MKLN1: variants seen among roughly 807,000 people sequenced by gnomAD.
The protein encoded by MKLN1 is muskelin 1, also known as muskelin.
Under a neutral mutation model 99.0 loss-of-function variants are expected in MKLN1, and 18 were observed. The observed-to-expected ratio is 0.18, with a 90% CI of 0.13 to 0.27. MKLN1 has a LOEUF of 0.27. Ranked by LOEUF, MKLN1 falls within the 10% of genes least tolerant of loss-of-function variation. The pLI is 1.00. For synonymous variants in MKLN1, 288 were observed against 293.2 expected, an observed-to-expected ratio of 0.98 and a Z score of 0.18; for missense variants, 621 against 875.9, an observed-to-expected ratio of 0.71 and a Z score of 3.67.
chr7:131,137,143 A>G (rs1268832371), intron 1 of MKLN1, among the ~76,000 whole-genome samples: 2 of 152,104 alleles, frequency 1.3e-5, no homozygotes, highest in African/African-American at 4.8e-5. Context: ...GCGAGCCATC[A>G]CACTTGGCCC....
intron 1 of MKLN1, among the ~76,000 whole-genome samples, chr7:131,350,042 A>G (rs1461140833): frequency 6.6e-6 from 1 of 152,150 alleles, no homozygotes; most frequent in African/African-American, 2.4e-5. Context: ...CGATACTACA[A>G]TGGTCTGCTA....
chr7:131,360,210 A>G (rs540576073), intron 1 of MKLN1, among the ~76,000 whole-genome samples: 1 of 152,246 alleles, frequency 6.6e-6, no homozygotes, highest in South Asian at 2.1e-4. Flanking sequence ...CTGGTAGACA[A>G]CATATTTGGA....
At chr7:131,310,579 A>G (rs1413358992) in intron 3 of MKLN1, 1 of 152,246 alleles carries the variant, frequency 6.6e-6, no homozygotes, top group Non-Finnish European at 1.5e-5. Flanking sequence ...TCAGAAAGTG[A>G]CATTCTTTAC....
chr7:131,116,614 T>C (rs888723528), intron 1 of MKLN1, among the ~76,000 whole-genome samples: 2 of 151,874 alleles, frequency 1.3e-5, no homozygotes, highest in African/African-American at 4.8e-5. Context: ...GAAAAGATAG[T>C]AGGATATCTG....
intron 12 of MKLN1, among the ~76,000 whole-genome samples, chr7:131,458,225 A>G (rs371564414): frequency 1.3e-5 from 2 of 152,364 alleles, no homozygotes; most frequent in South Asian, 2.1e-4. Context: ...AACAACTTTG[A>G]ATCAAGAAAT....
chr7:131,457,739 A>C (rs554365536), intron 12 of MKLN1, among the ~76,000 whole-genome samples: 1 of 152,270 alleles, frequency 6.6e-6, no homozygotes, highest in African/African-American at 2.4e-5. Flanking sequence ...AACATATTGA[A>C]ATGCTGTCTC....
At chr7:131,159,546 G>T (rs1191579065) in intron 2 of MKLN1, among the ~76,000 whole-genome samples, 1 of 152,106 alleles carries the variant, frequency 6.6e-6, no homozygotes. Flanking sequence ...GAGTAGGATG[G>T]TGGTTACCAG....
intron 12 of MKLN1, among the ~76,000 whole-genome samples, chr7:131,453,867 G>A (rs1017860210): frequency 3.9e-5 from 6 of 151,960 alleles, no homozygotes; most frequent in African/African-American, 1.5e-4. Flanking sequence ...TCCTGTAGTA[G>A]AACAATGACA....
intron 16 of MKLN1, chr7:131,471,975 C>T (rs1796832586): frequency 6.6e-6 from 1 of 152,196 alleles, no homozygotes; most frequent in Non-Finnish European, 1.5e-5. Context: ...GATTATGGCC[C>T]TTCAGTAGGT....
At chr7:131,343,858 G>A (rs1206234560) in intron 1 of MKLN1, among the ~76,000 whole-genome samples, 1 of 152,134 alleles carries the variant, frequency 6.6e-6, no homozygotes, top group Non-Finnish European at 1.5e-5. Context: ...ATCTAATGCT[G>A]TTGATAGAGA....
intron 3 of MKLN1, among the ~76,000 whole-genome samples, chr7:131,221,924 G>A (rs1584846432): frequency 6.6e-6 from 1 of 151,828 alleles, no homozygotes; most frequent in African/African-American, 2.4e-5. Flanking sequence ...TATTTATTTT[G>A]ACATGGAGTG....
At chr7:131,458,398 G>A (rs1191671873) in intron 12 of MKLN1, among the ~76,000 whole-genome samples, 4 of 152,166 alleles carry the variant, frequency 2.6e-5, no homozygotes, top group Non-Finnish European at 5.9e-5. Flanking sequence ...GATAAATGAT[G>A]ATCAAAATTT....
Position 131,299,978 on chromosome 7 carries a change from CG to C in MKLN1, c.-178-75442del, listed in dbSNP as rs1224971762. Among the ~76,000 whole-genome samples, 5 of 152,158 alleles carry C rather than the reference CG, an allele frequency of 3.3e-5. No individual in the cohort carries two copies. In the South Asian group the frequency reaches 8.3e-4, roughly 25 times the overall value. ...AAGATATTTTGTGGCAAAGTTATCT[CG>C]GGGTAAACTCTGCAGCCACAAGCGC... On this transcript the variant is annotated intron_variant, in intron 3 of 7. Transcript: ENST00000416992.
chr7:131,322,399 G>A (rs983345969), intron 3 of MKLN1, among the ~76,000 whole-genome samples: 4 of 152,076 alleles, frequency 2.6e-5, no homozygotes, highest in Non-Finnish European at 5.9e-5. Context: ...ACCTGAGACC[G>A]GATAATTTAT....
At chr7:131,162,665 G>C (rs925713139) in intron 2 of MKLN1, among the ~76,000 whole-genome samples, 1 of 152,128 alleles carries the variant, frequency 6.6e-6, no homozygotes. Context: ...TTATGTATAT[G>C]CAGATATTCC....
At chr7:131,390,958 G>A (rs1794181418) in intron 4 of MKLN1, among the ~76,000 whole-genome samples, 1 of 151,752 alleles carries the variant, frequency 6.6e-6, no homozygotes, top group South Asian at 2.1e-4. Flanking sequence ...TTTCTATTTA[G>A]GATATTAATA....
intron 12 of MKLN1, among the ~76,000 whole-genome samples, chr7:131,450,615 C>T (rs769784179): frequency 2.0e-5 from 3 of 152,110 alleles, no homozygotes; most frequent in Admixed American, 6.6e-5. Flanking sequence ...TCACGACCAC[C>T]GAATATTAAA....
At chr7:131,484,143 G>A (rs1797206961) in intron 17 of MKLN1, among the ~76,000 whole-genome samples, 1 of 151,688 alleles carries the variant, frequency 6.6e-6, no homozygotes, top group Admixed American at 6.6e-5. Context: ...TTCATAATAG[G>A]GATCTACCAT....
At chr7:131,281,565 A>G (rs536687876) in intron 3 of MKLN1, among the ~76,000 whole-genome samples, 17 of 151,956 alleles carry the variant, frequency 1.1e-4, no homozygotes, top group Non-Finnish European at 2.5e-4. Flanking sequence ...CTGTAAAATA[A>G]AAAAAAAGTT....
Sources: allele counts gnomAD v4.1 joint callset (sites outside exome capture counted in the v4.1 genomes callset), GRCh38; gene constraint gnomAD v4.1.1; transcripts MANE v1.5; gene names NCBI Gene and HGNC (gene_info 2026-07-23, HGNC 2026-07-21).